Variants in EFCAB5 observed in about 807,000 individuals in gnomAD.
EFCAB5 encodes EF-hand calcium-binding domain-containing protein 5.
A neutral mutation model predicts 167.9 loss-of-function variants in EFCAB5; 131 were observed. That is an observed-to-expected ratio of 0.78 (90% CI 0.68 to 0.90). The LOEUF (loss-of-function observed/expected upper bound fraction) is 0.90. Among genes scored for constraint, EFCAB5 ranks in the 40% least tolerant of loss-of-function variants. EFCAB5 has a pLI of 0.00. For synonymous variants in EFCAB5, 574 were observed against 602.8 expected (o/e 0.95, Z 0.70); for missense variants, 1,663 against 1,745.2 (o/e 0.95, Z 0.84).
At chr17:30,097,734 TTCC>T (rs1458408576) in intron 22 of EFCAB5, among the ~76,000 whole-genome samples, 1 of 152,238 alleles carries the variant, frequency 6.6e-6, no homozygotes, top group Non-Finnish European at 1.5e-5. Context: ...CATATTTTGA[TTCC>T]TCATTTTTTT....
chr17:30,058,202 T>C (rs1366419957), intron 13 of EFCAB5, among the ~76,000 whole-genome samples: 2 of 152,164 alleles, frequency 1.3e-5, no homozygotes, highest in African/African-American at 4.8e-5. Flanking sequence ...ATGTGCATTA[T>C]TTGCCTGTGT....
chr17:30,057,687 AT>A lies in EFCAB5; in HGVS notation c.2379del (p.Ile794SerfsTer10), dbSNP rs1380533116. 5 of 1,612,520 alleles carry A rather than the reference AT, an allele frequency of 3.1e-6. No homozygotes were observed. The highest frequency in any genetic ancestry group is 3.4e-6 in the Non-Finnish European group (4 of 1,178,864). On this transcript the variant is annotated frameshift_variant, in exon 13 of 23. Coordinates refer to ENST00000394835, the MANE Select transcript of EFCAB5 (RefSeq NM_198529.4). LOFTEE classifies it high-confidence loss of function. ...TTCTTGCTTGACAGATTTACACTCA[AT>A]TATCAGAAATATTCAGTCTTGCAAG... ...GNSRFTDLHS[I>X]IRNIQSCKEV...
chr17:30,062,553 A>G (rs1021344601), intron 14 of EFCAB5, among the ~76,000 whole-genome samples: 1 of 152,192 alleles, frequency 6.6e-6, no homozygotes, highest in African/African-American at 2.4e-5. Context: ...CTCCCCAGAA[A>G]AGACGCTGAC....
rs1259582297 is a variant in EFCAB5, at chr17:30,055,868, T to C, written c.2195-20T>C. 1.2e-6 allele frequency: 2 copies of C among 1,607,358 alleles called. No individual in the cohort carries two copies. Among genetic ancestry groups the C allele is most frequent in the Non-Finnish European group, 1.7e-6 (2 of 1,177,916 alleles). ...ATATGTAATGTCTAATTCATAAGCA[T>C]TTTCATTTGCACCTTTTAGAAACTA... is the stretch of plus-strand genomic sequence containing the variant. On this transcript the variant is annotated intron_variant, in intron 10 of 22. Transcript: ENST00000394835.
At chr17:29,958,639 C>T (rs2067662803) in intron 3 of EFCAB5, among the ~76,000 whole-genome samples, 2 of 152,112 alleles carry the variant, frequency 1.3e-5, no homozygotes, top group Non-Finnish European at 2.9e-5. Context: ...TGGGATTGGT[C>T]ACTGTGTTCT....
intron 3 of EFCAB5, among the ~76,000 whole-genome samples, chr17:29,960,492 T>C (rs1041414395): frequency 2.6e-5 from 4 of 152,176 alleles, no homozygotes; most frequent in Admixed American, 1.3e-4. Flanking sequence ...GTTTGTTACA[T>C]AGGTAAACAT....
intron 7 of EFCAB5, among the ~76,000 whole-genome samples, chr17:30,001,913 G>T (rs1051170998): frequency 3.3e-5 from 5 of 152,120 alleles, no homozygotes; most frequent in Admixed American, 3.3e-4. Flanking sequence ...GACCTAAAAA[G>T]GTTGAACACT....
chr17:30,068,164 C>T (rs1396610861), intron 14 of EFCAB5, among the ~76,000 whole-genome samples: 1 of 151,970 alleles, frequency 6.6e-6, no homozygotes, highest in Non-Finnish European at 1.5e-5. Flanking sequence ...ATTAGCAGGG[C>T]GTGGTGGCAC....
At chr17:30,099,759 G>A (rs1013123153) in intron 22 of EFCAB5, among the ~76,000 whole-genome samples, 7 of 152,078 alleles carry the variant, frequency 4.6e-5, no homozygotes, top group African/African-American at 9.7e-5. Flanking sequence ...AATGTATCCC[G>A]GATTCCATTC....
intron 7 of EFCAB5, among the ~76,000 whole-genome samples, chr17:30,010,617 C>T (rs1043575230): frequency 2.0e-5 from 3 of 152,162 alleles, no homozygotes; most frequent in Non-Finnish European, 4.4e-5. Flanking sequence ...TGAAAAGTGT[C>T]TGTTCATATC....
intron 22 of EFCAB5, among the ~76,000 whole-genome samples, chr17:30,099,321 T>C (rs762759774): frequency 6.6e-6 from 1 of 152,150 alleles, no homozygotes; most frequent in Non-Finnish European, 1.5e-5. Context: ...TGGTGGCATA[T>C]GCCTGTAGTT....
At chr17:30,002,112 A>G (rs2068675323) in intron 7 of EFCAB5, among the ~76,000 whole-genome samples, 1 of 152,124 alleles carries the variant, frequency 6.6e-6, no homozygotes, top group Non-Finnish European at 1.5e-5. Context: ...CTAATATCCT[A>G]CTTTTTTCAC....
intron 22 of EFCAB5, among the ~76,000 whole-genome samples, chr17:30,096,677 A>ATATATATATTT (rs1193558323): frequency 1.7e-4 from 10 of 60,118 alleles, no homozygotes; most frequent in African/African-American, 6.7e-4. Context: ...ATATATATAT[A>ATATATATATTT]TTTTTTTTTT....
chr17:29,943,531 A>G (rs2067333897), intron 2 of EFCAB5, 34 bp from the exon 3 acceptor site: 1 of 1,517,288 alleles, frequency 6.6e-7, no homozygotes, highest in Non-Finnish European at 8.9e-7. Context: ...ATCAAGTCAC[A>G]TTGAAATTGG....
chr17:30,029,921 T>A (rs1021565429), intron 7 of EFCAB5, among the ~76,000 whole-genome samples: 1 of 152,164 alleles, frequency 6.6e-6, no homozygotes, highest in African/African-American at 2.4e-5. Context: ...CAGCATTAAG[T>A]CAGAAAGGAA....
At chr17:29,994,208 G>A (rs7225462) in intron 5 of EFCAB5, among the ~76,000 whole-genome samples, 66,150 of 135,262 alleles carry the variant, frequency 0.49, 16,566 homozygotes, top group East Asian at 0.69. Context: ...GCACACACAC[G>A]CGGTGGGGGA....
intron 7 of EFCAB5, among the ~76,000 whole-genome samples, chr17:30,011,923 A>G (rs1178043281): frequency 6.6e-6 from 1 of 152,258 alleles, no homozygotes; most frequent in Non-Finnish European, 1.5e-5. Flanking sequence ...AATATAATTA[A>G]TCATTAGTAG....
chr17:30,072,386 C>G (rs1307855342), intron 14 of EFCAB5, among the ~76,000 whole-genome samples: 1 of 152,096 alleles, frequency 6.6e-6, no homozygotes, highest in African/African-American at 2.4e-5. Context: ...TACTTTTTGT[C>G]ACAAAGTTAC....
intron 3 of EFCAB5, among the ~76,000 whole-genome samples, chr17:29,957,645 C>A (rs1426251144): frequency 6.6e-6 from 1 of 152,172 alleles, no homozygotes; most frequent in East Asian, 1.9e-4. Flanking sequence ...CATGTCCCTG[C>A]AAAGGACATG....
Sources: allele counts gnomAD v4.1 joint callset (sites outside exome capture counted in the v4.1 genomes callset), GRCh38; gene constraint gnomAD v4.1.1; transcripts MANE v1.5; gene names NCBI Gene and HGNC (gene_info 2026-07-23, HGNC 2026-07-21).